DPP10: variants seen among roughly 807,000 people sequenced by gnomAD.
The protein encoded by DPP10 is dipeptidyl peptidase like 10.
Under a neutral mutation model 120.9 loss-of-function variants are expected in DPP10, and 33 were observed. The observed-to-expected ratio is 0.27, with a 90% CI of 0.21 to 0.37. DPP10 has a LOEUF of 0.37. Among genes scored for constraint, DPP10 ranks in the 10% least tolerant of loss-of-function variants. The pLI is 1.00. For synonymous variants in DPP10, 337 were observed against 326.1 expected (o/e 1.03, Z -0.36); for missense variants, 816 against 942.8 (o/e 0.87, Z 1.76).
intron 1 of DPP10, among the ~76,000 whole-genome samples, chr2:115,010,655 CA>C (rs1702198142): frequency 6.6e-6 from 1 of 152,098 alleles, no homozygotes; most frequent in Non-Finnish European, 1.5e-5. Flanking sequence ...AAATGAGCCA[CA>C]TATCATATCT....
chr2:114,772,398 G>A (rs1481410838), intron 1 of DPP10, among the ~76,000 whole-genome samples: 2 of 151,942 alleles, frequency 1.3e-5, no homozygotes, highest in Admixed American at 6.6e-5. Context: ...GACCTCATGC[G>A]ATCCACCCAC....
At chr2:115,407,673 G>GA (rs113891788) in intron 3 of DPP10, among the ~76,000 whole-genome samples, 6,963 of 147,134 alleles carry the variant, frequency 0.047, 522 homozygotes, top group African/African-American at 0.16. Flanking sequence ...AAGCCCACTG[G>GA]AAAAAAAAAA....
At chr2:115,115,892 G>C (rs981236892) in intron 1 of DPP10, among the ~76,000 whole-genome samples, 5 of 152,102 alleles carry the variant, frequency 3.3e-5, no homozygotes, top group African/African-American at 1.2e-4. Context: ...TTCAGGGATC[G>C]CAAAGTACTT....
intron 12 of DPP10, among the ~76,000 whole-genome samples, chr2:115,764,568 C>G (rs551520713): frequency 6.6e-6 from 1 of 152,160 alleles, no homozygotes; most frequent in African/African-American, 2.4e-5. Context: ...TTTGCTATTA[C>G]TTTGATTGCC....
intron 1 of DPP10, among the ~76,000 whole-genome samples, chr2:115,249,367 C>T (rs1418913004): frequency 6.6e-6 from 1 of 151,906 alleles, no homozygotes; most frequent in Non-Finnish European, 1.5e-5. Flanking sequence ...CTTAGAATGG[C>T]AAGAGAAAAT....
chr2:115,046,232 G>C (rs888993795), intron 1 of DPP10, among the ~76,000 whole-genome samples: 2 of 152,140 alleles, frequency 1.3e-5, no homozygotes, highest in African/African-American at 4.8e-5. Flanking sequence ...TTGTTTTAGA[G>C]CAATGACCAT....
At chr2:114,715,507 A>G (rs1701290183) in intron 1 of DPP10, among the ~76,000 whole-genome samples, 1 of 152,116 alleles carries the variant, frequency 6.6e-6, no homozygotes. Context: ...TTATTCTAGG[A>G]AAAAATTCTA....
At chr2:114,946,470 T>C (rs7589026) in intron 1 of DPP10, among the ~76,000 whole-genome samples, 39,229 of 152,122 alleles carry the variant, frequency 0.26, 5,144 homozygotes, top group East Asian at 0.36. Context: ...AGATGGTAAA[T>C]TTTCTGTTTT....
intron 9 of DPP10, among the ~76,000 whole-genome samples, chr2:115,745,841 G>A (rs1179998191): frequency 1.3e-5 from 2 of 152,046 alleles, no homozygotes; most frequent in African/African-American, 4.8e-5. Flanking sequence ...ACTGCCTAAT[G>A]AGTGAAGTCA....
rs892763278 is a variant in DPP10, at chr2:114,793,036, A to G, written c.60+350198A>G. Among the ~76,000 whole-genome samples the G allele has an allele frequency of 4.1e-5, 6 of 144,924 alleles. No homozygotes were observed. In the East Asian group the frequency reaches 7.8e-4, roughly 19 times the overall value. The stretch of plus-strand genomic sequence containing the variant: ...TGTGTGTGTGTGTGTGTGTGTTTCT[A>G]TTAATATCGTTGTTTATTTGATGCT... On this transcript the variant is annotated intron_variant, in intron 1 of 25. Transcript: ENST00000410059.
intron 8 of DPP10, among the ~76,000 whole-genome samples, chr2:115,731,665 A>T (rs1197184967): frequency 2.0e-5 from 3 of 152,072 alleles, no homozygotes; most frequent in Admixed American, 1.3e-4. Flanking sequence ...TCACTAGTCT[A>T]CTCTACTTGT....
At chr2:115,490,456 A>C (rs1193176203) in intron 3 of DPP10, among the ~76,000 whole-genome samples, 1 of 152,152 alleles carries the variant, frequency 6.6e-6, no homozygotes, top group Non-Finnish European at 1.5e-5. Flanking sequence ...TTACAATTCA[A>C]GATGAGATTT....
intron 1 of DPP10, among the ~76,000 whole-genome samples, chr2:115,249,181 GAC>G (rs1397781415): frequency 3.3e-5 from 5 of 152,062 alleles, no homozygotes; most frequent in African/African-American, 9.7e-5. Flanking sequence ...AGATGAATCT[GAC>G]ACAGTGTCTA....
intron 1 of DPP10, among the ~76,000 whole-genome samples, chr2:114,645,208 T>C (rs2105451392): frequency 6.6e-6 from 1 of 152,302 alleles, no homozygotes; most frequent in East Asian, 1.9e-4. Flanking sequence ...AAAGTGCTTT[T>C]GGCTAAAAGG....
intron 1 of DPP10, among the ~76,000 whole-genome samples, chr2:115,146,988 A>G (rs1332650692): frequency 6.6e-6 from 1 of 152,136 alleles, no homozygotes; most frequent in Non-Finnish European, 1.5e-5. Context: ...TTTTGTTATA[A>G]CAGTGCATAG....
chr2:114,809,242 A>C (rs112407571), intron 1 of DPP10, among the ~76,000 whole-genome samples: 2,007 of 152,254 alleles, frequency 0.013, 41 homozygotes, highest in African/African-American at 0.04. Flanking sequence ...TGGGTTGATC[A>C]CTCTGGGCTC....
chr2:115,259,560 C>G (rs1324100284), intron 1 of DPP10, among the ~76,000 whole-genome samples: 1 of 151,782 alleles, frequency 6.6e-6, no homozygotes, highest in African/African-American at 2.4e-5. Context: ...GTAATAGTAC[C>G]TTATCCAGAA....
At chr2:114,704,407 GT>G (rs2105832421) in intron 1 of DPP10, among the ~76,000 whole-genome samples, 1 of 152,300 alleles carries the variant, frequency 6.6e-6, no homozygotes, top group South Asian at 2.1e-4. Flanking sequence ...GGGACGCTAT[GT>G]GATAGATGTG....
At position 114,943,119 on chromosome 2, in the gene DPP10, A is replaced by G. The variant is rs375856168; in HGVS notation, c.61-366120A>G. Among the ~76,000 whole-genome samples, 8 of 152,058 alleles carry G rather than the reference A, an allele frequency of 5.3e-5. No homozygotes were observed. In the East Asian group the frequency reaches 1.5e-3, roughly 29 times the overall value. ...CTGTGTCCATGTGTTCTCATTGTTC[A>G]GCTCTCACTTACAGGTGAGAACATG... On this transcript the variant is annotated intron_variant, in intron 1 of 25. Coordinates refer to ENST00000410059, the MANE Select transcript of DPP10 (RefSeq NM_020868.6).
Sources: allele counts gnomAD v4.1 joint callset (sites outside exome capture counted in the v4.1 genomes callset), GRCh38; gene constraint gnomAD v4.1.1; transcripts MANE v1.5; gene names NCBI Gene and HGNC (gene_info 2026-07-23, HGNC 2026-07-21).